CACNA1C: variants seen among roughly 807,000 people sequenced by gnomAD.
CACNA1C encodes voltage-dependent L-type calcium channel subunit alpha-1C.
A neutral mutation model predicts 229.0 loss-of-function variants in CACNA1C; 30 were observed. That is an observed-to-expected ratio of 0.13 (90% confidence interval 0.10 to 0.18). The LOEUF (loss-of-function observed/expected upper bound fraction) is 0.18, where lower values mean the gene tolerates loss of function less well. Ranked by LOEUF, CACNA1C falls within the 10% of genes least tolerant of loss-of-function variation. The pLI is 1.00. For missense variants in CACNA1C, 1,658 were observed against 2,845.0 expected (o/e 0.58, Z 9.49); for synonymous variants, 1,114 against 1,132.5 (o/e 0.98, Z 0.33).
chr12:2,256,202 G>A (rs1348206078), intron 3 of CACNA1C, among the ~76,000 whole-genome samples: 2 of 152,028 alleles, frequency 1.3e-5, no homozygotes, highest in East Asian at 1.9e-4. Flanking sequence ...CTACCTGGAG[G>A]CTAAGCCCAG....
rs1243443580 is a variant in CACNA1C at position 2,034,970 on chromosome 12, G to T, written c.139+63769G>T. On this transcript the variant is annotated intron_variant, in intron 1 of 46. Coordinates refer to the CACNA1C transcript ENST00000682462. The surrounding 1 kb of genome is among the most constrained non-coding windows in gnomAD (Gnocchi z 4.1). Reference sequence around the variant, plus strand: ...CGAGGCGAGGGGGTGAAGAGGAGAAGGAGGTCTGGGCACTGGAAGCGGCAC... The same window carrying T: ...CGAGGCGAGGGGGTGAAGAGGAGAATGAGGTCTGGGCACTGGAAGCGGCAC... Among the ~76,000 whole-genome samples the T allele has an allele frequency of 6.6e-6, 1 of 152,272 alleles. No individual in the cohort carries two copies. The highest frequency in any genetic ancestry group is 6.5e-5 in the Admixed American group (1 of 15,294).
chr12:2,674,733 G>A (rs1441573768), intron 39 of CACNA1C, 91 bp downstream of exon 39: 3 of 1,228,774 alleles, frequency 2.4e-6, no homozygotes, highest in East Asian at 2.6e-5. Context: ...CCCTTAGAAT[G>A]CGGAAGCATC....
In CACNA1C at chr12:2,287,122, G is replaced by A. The variant is rs773511595; in HGVS notation, c.478-161854G>A. ...CCCAGTTGACAGAGGGCTCTTTACCGTTAGGACCCCTTCTGGGTTTCTCAA... is the reference window on the plus strand; with the variant it reads ...CCCAGTTGACAGAGGGCTCTTTACCATTAGGACCCCTTCTGGGTTTCTCAA... On this transcript the variant is annotated intron_variant, in intron 3 of 46. Coordinates refer to ENST00000399655, the MANE Select transcript of CACNA1C (RefSeq NM_000719.7). The surrounding 1 kb of genome is among the most constrained non-coding windows in gnomAD (Gnocchi z 4.6). Among the ~76,000 whole-genome samples, 13 of 152,208 alleles carry A rather than the reference G, an allele frequency of 8.5e-5. No homozygotes were observed. Among genetic ancestry groups the A allele is most frequent in the Admixed American group, 2.6e-4 (4 of 15,292 alleles).
At position 2,449,040 on chromosome 12, in the gene CACNA1C, A is replaced by G. The variant is rs774096274; in HGVS notation, c.542A>G (p.Tyr181Cys). ...GAAGCGTTTTTAAAAGTAATCGCCT[A>G]TGGACTCCTCTTTCACCCCAATGCC... Reference protein sequence around the residue: ...TVEAFLKVIAYGLLFHPNAYL... With the variant: ...TVEAFLKVIACGLLFHPNAYL... Residue 181 changes from tyrosine (Y) to cysteine (C), a missense_variant, in exon 4 of 47, where the codon TAT becomes TGT. Coordinates refer to ENST00000399655, the MANE Select transcript of CACNA1C (RefSeq NM_000719.7). The G allele has an allele frequency of 5.6e-6, 9 of 1,601,712 alleles. No homozygotes were observed. Among genetic ancestry groups the G allele is most frequent in the African/African-American group, 1.3e-5 (1 of 74,904 alleles).
rs558601716 is a variant in CACNA1C, at chr12:2,005,156, AAAAG to A, written c.139+33958_139+33961del. 4.8e-3 allele frequency among the ~76,000 whole-genome samples: 735 copies of A among 152,246 alleles called. 5 individuals carry two copies. Among genetic ancestry groups the A allele is most frequent in the African/African-American group, 0.016 (683 of 41,538 alleles). On this transcript the variant is annotated intron_variant, in intron 1 of 46. Transcript: ENST00000682462. ...CTCTCAGTTACAAAAGAAAAAAAAAAAAAGAAGAAGGTAGAGAGCCAGTGTCACC... is the reference window on the plus strand; with the variant it reads ...CTCTCAGTTACAAAAGAAAAAAAAAAAAGAAGGTAGAGAGCCAGTGTCACC...
At chr12:2,372,531 A>G (rs1487706912) in intron 3 of CACNA1C, among the ~76,000 whole-genome samples, 2 of 152,146 alleles carry the variant, frequency 1.3e-5, no homozygotes, top group African/African-American at 2.4e-5. Flanking sequence ...AGTACTGGAA[A>G]ATATTACATT....
intron 12 of CACNA1C, among the ~76,000 whole-genome samples, chr12:2,567,367 C>T (rs2051681083): frequency 6.6e-6 from 1 of 152,228 alleles, no homozygotes; most frequent in South Asian, 2.1e-4. Flanking sequence ...GGGAGATGCT[C>T]AGTAAATGTC....
At chr12:2,445,642 C>G (rs2099270242) in intron 3 of CACNA1C, among the ~76,000 whole-genome samples, 1 of 152,160 alleles carries the variant, frequency 6.6e-6, no homozygotes, top group African/African-American at 2.4e-5. Flanking sequence ...GCTGGCCCTG[C>G]AGTAAACCTG....
At chr12:2,260,626 G>T (rs1289034313) in intron 3 of CACNA1C, among the ~76,000 whole-genome samples, 1 of 152,162 alleles carries the variant, frequency 6.6e-6, no homozygotes, top group African/African-American at 2.4e-5. Flanking sequence ...CTGGAGTCGG[G>T]GTAGCATCAT....
At chr12:2,492,852 C>T (rs2099739050) in intron 6 of CACNA1C, among the ~76,000 whole-genome samples, 1 of 152,184 alleles carries the variant, frequency 6.6e-6, no homozygotes, top group Non-Finnish European at 1.5e-5. Flanking sequence ...GTGGCATCAT[C>T]ATTATTTTTT....
At chr12:2,265,481 T>C (rs945245119) in intron 3 of CACNA1C, among the ~76,000 whole-genome samples, 2 of 152,180 alleles carry the variant, frequency 1.3e-5, no homozygotes, top group African/African-American at 2.4e-5. Flanking sequence ...GGCTGGAACG[T>C]TGGCAAGGAT....
intron 1 of CACNA1C, among the ~76,000 whole-genome samples, chr12:2,114,168 C>A (rs987144291): frequency 6.6e-6 from 1 of 152,232 alleles, no homozygotes; most frequent in Non-Finnish European, 1.5e-5. Flanking sequence ...TTGGGGCAGT[C>A]CTGACTTGGG....
At chr12:1,995,101 T>C (rs1046969500) in intron 1 of CACNA1C, among the ~76,000 whole-genome samples, 17 of 152,210 alleles carry the variant, frequency 1.1e-4, no homozygotes, top group African/African-American at 2.7e-4. Flanking sequence ...TTTTGTTTAA[T>C]TGAGAGTTCC....
chr12:2,177,922 C>A (rs2096718417), intron 3 of CACNA1C, among the ~76,000 whole-genome samples: 1 of 152,168 alleles, frequency 6.6e-6, no homozygotes, highest in Non-Finnish European at 1.5e-5. Flanking sequence ...CAGGCATGAG[C>A]CACTGCCCGT....
rs1465721334 is a variant in CACNA1C, at chr12:2,504,557, A to G, written c.1114-285A>G. The stretch of plus-strand genomic sequence containing the variant: ...TTGAGCGGGTAAGCTGACCGTTTCT[A>G]TGTCCTCTCCACAACGCAGCCGAGC... On this transcript the variant is annotated intron_variant, in intron 7 of 46. Transcript: ENST00000399655. The surrounding 1 kb of genome is among the most constrained non-coding windows in gnomAD (Gnocchi z 6.8). 1.0e-5 allele frequency: 15 copies of G among 1,430,078 alleles called. No individual in the cohort carries two copies. The Admixed American group carries it at 1.2e-4, about 11-fold the overall frequency. 88.6% of individuals were successfully genotyped at this position (1,430,078 alleles called of 1,614,324 possible).
At chr12:2,039,355 G>A (rs1246203757) in intron 1 of CACNA1C, among the ~76,000 whole-genome samples, 2 of 152,140 alleles carry the variant, frequency 1.3e-5, no homozygotes, top group African/African-American at 2.4e-5. Flanking sequence ...AGTAGGGCAG[G>A]TCTCTTGGTT....
intron 3 of CACNA1C, among the ~76,000 whole-genome samples, chr12:2,399,723 C>T (rs2098649398): frequency 6.6e-6 from 1 of 152,208 alleles, no homozygotes; most frequent in South Asian, 2.1e-4. Context: ...GTGAAGTTTT[C>T]ATTTAGGGCC....
chr12:2,458,816 G>A (rs1380585010), intron 5 of CACNA1C, among the ~76,000 whole-genome samples: 1 of 152,082 alleles, frequency 6.6e-6, no homozygotes, highest in African/African-American at 2.4e-5. Context: ...TTCATGCACG[G>A]AATAGTGAAA....
At chr12:2,434,883 A>C (rs2099119261) in intron 3 of CACNA1C, among the ~76,000 whole-genome samples, 1 of 152,158 alleles carries the variant, frequency 6.6e-6, no homozygotes. Context: ...TCCCCACTTC[A>C]GTCTAGTTCA....
Sources: gnomAD v4.1 joint callset for allele counts (sites outside exome capture counted in the v4.1 genomes callset) on GRCh38, gnomAD v4.1.1 for gene constraint, Gnocchi (gnomAD v3.1) non-coding constraint, MANE v1.5 for transcripts, NCBI Gene and HGNC (gene_info 2026-07-23, HGNC 2026-07-21) for gene names.